Variants in PRKG1 observed in about 807,000 individuals in gnomAD.
The protein encoded by PRKG1 is protein kinase cGMP-dependent 1.
A neutral mutation model predicts 88.1 loss-of-function variants in PRKG1; 35 were observed. That is an observed-to-expected ratio of 0.40 (90% CI 0.30 to 0.53). The LOEUF is 0.53. Ranked by LOEUF, PRKG1 falls within the 20% of genes least tolerant of loss-of-function variation. The probability of loss-of-function intolerance (pLI) is 0.59; values close to 1 mark genes in which losing one functional copy is unlikely to be tolerated. For synonymous variants in PRKG1, 303 were observed against 292.5 expected (o/e 1.04, Z -0.37); for missense variants, 540 against 839.8 (o/e 0.64, Z 4.41).
chr10:51,596,200 T>C (rs1348600755), intron 3 of PRKG1, among the ~76,000 whole-genome samples: 2 of 152,212 alleles, frequency 1.3e-5, no homozygotes, highest in Non-Finnish European at 2.9e-5. Flanking sequence ...GAACTATGTA[T>C]CTTTTTGCTG....
At chr10:51,879,902 CA>C (rs1841394293) in intron 4 of PRKG1, among the ~76,000 whole-genome samples, 1 of 152,218 alleles carries the variant, frequency 6.6e-6, no homozygotes, top group Admixed American at 6.5e-5. Context: ...GCCACTATGG[CA>C]AGCAAGGAAA....
At chr10:51,104,264 G>A (rs1844762794) in intron 1 of PRKG1, among the ~76,000 whole-genome samples, 1 of 152,146 alleles carries the variant, frequency 6.6e-6, no homozygotes, top group Non-Finnish European at 1.5e-5. Context: ...TATTTCTAGG[G>A]TGCAGAATTT....
chr10:51,296,422 G>T (rs566959631), intron 2 of PRKG1, among the ~76,000 whole-genome samples: 10 of 152,012 alleles, frequency 6.6e-5, no homozygotes, highest in African/African-American at 2.4e-4. Flanking sequence ...TTGCATATTT[G>T]TAGAAATTTA....
At chr10:52,057,671 T>C (rs1846141872) in intron 6 of PRKG1, among the ~76,000 whole-genome samples, 1 of 152,160 alleles carries the variant, frequency 6.6e-6, no homozygotes, top group Non-Finnish European at 1.5e-5. Context: ...TGGAAAAAAA[T>C]GTGATTCAAA....
At chr10:51,862,204 A>C (rs1441499680) in intron 4 of PRKG1, among the ~76,000 whole-genome samples, 1 of 152,116 alleles carries the variant, frequency 6.6e-6, no homozygotes, top group Non-Finnish European at 1.5e-5. Flanking sequence ...GTTACAGCTC[A>C]TTTGTTCCCA....
chr10:51,104,885 A>G (rs937736433), intron 1 of PRKG1, among the ~76,000 whole-genome samples: 1 of 151,948 alleles, frequency 6.6e-6, no homozygotes, highest in Non-Finnish European at 1.5e-5. Flanking sequence ...GGGTGGCACC[A>G]TACCCAGATA....
At chr10:51,815,920 C>A (rs1330991115) in intron 4 of PRKG1, among the ~76,000 whole-genome samples, 1 of 152,108 alleles carries the variant, frequency 6.6e-6, no homozygotes, top group Admixed American at 6.6e-5. Context: ...CAACTAGGGG[C>A]TTTGTTGTGA....
chr10:51,312,356 A>G (rs990959509), intron 2 of PRKG1, among the ~76,000 whole-genome samples: 2 of 152,190 alleles, frequency 1.3e-5, no homozygotes, highest in Non-Finnish European at 1.5e-5. Context: ...TTATTTTACA[A>G]TAGTGTAGGA....
At chr10:51,677,894 T>C (rs985099456) in intron 3 of PRKG1, among the ~76,000 whole-genome samples, 3 of 152,184 alleles carry the variant, frequency 2.0e-5, no homozygotes, top group African/African-American at 7.2e-5. Context: ...ACATGGAAGA[T>C]CCCATATTTT....
intron 7 of PRKG1, among the ~76,000 whole-genome samples, chr10:52,116,791 T>G (rs548473646): frequency 6.6e-6 from 1 of 152,288 alleles, no homozygotes; most frequent in South Asian, 2.1e-4. Flanking sequence ...ATTTACTTTC[T>G]TATTCTTCCC....
chr10:51,035,610 A>T (rs1843342945), intron 1 of PRKG1, among the ~76,000 whole-genome samples: 1 of 152,188 alleles, frequency 6.6e-6, no homozygotes, highest in Non-Finnish European at 1.5e-5. Flanking sequence ...TAGCCTCAGC[A>T]CCTAGCGCAA....
chr10:51,004,946 A>G (rs374512234), intron 1 of PRKG1, among the ~76,000 whole-genome samples: 121 of 152,270 alleles, frequency 7.9e-4, no homozygotes, highest in Middle Eastern at 3.4e-3. Context: ...TCTCTCAGCT[A>G]CTTTTTTTTC....
chr10:51,676,714 A>G (rs1410268172), intron 3 of PRKG1, among the ~76,000 whole-genome samples: 1 of 152,154 alleles, frequency 6.6e-6, no homozygotes, highest in Non-Finnish European at 1.5e-5. Flanking sequence ...GTTGTTTTCC[A>G]TGGTCACAAA....
chr10:51,841,714 G>A (rs749206165), intron 4 of PRKG1, among the ~76,000 whole-genome samples: 10 of 151,402 alleles, frequency 6.6e-5, no homozygotes, highest in Admixed American at 2.0e-4. Context: ...ACAGAGTCTC[G>A]CTCTGTCACC....
At chr10:51,549,937 T>G (rs1837083643) in intron 3 of PRKG1, among the ~76,000 whole-genome samples, 1 of 152,082 alleles carries the variant, frequency 6.6e-6, no homozygotes, top group African/African-American at 2.4e-5. Context: ...TTGTTTTTGT[T>G]ATTGCTTTTG....
intron 5 of PRKG1, among the ~76,000 whole-genome samples, chr10:51,932,542 A>G (rs1325850494): frequency 6.6e-6 from 1 of 152,172 alleles, no homozygotes; most frequent in Non-Finnish European, 1.5e-5. Context: ...TGCCACGGCC[A>G]GGTTTTAATT....
chr10:51,785,687 C>T (rs1260081151), intron 3 of PRKG1, among the ~76,000 whole-genome samples: 1 of 152,106 alleles, frequency 6.6e-6, no homozygotes, highest in African/African-American at 2.4e-5. Flanking sequence ...AGGTGTACTT[C>T]AGCTGATGGC....
chr10:51,229,934 A>AAAAAAAAAAAAAAAAAAAAAAAAAAAAAG (rs1838793414), intron 2 of PRKG1, among the ~76,000 whole-genome samples: 1 of 141,110 alleles, frequency 7.1e-6, no homozygotes, highest in African/African-American at 2.6e-5. Context: ...CTCAAAAAAA[A>AAAAAAAAAAAAAAAAAAAAAAAAAAAAAG]AAAAAAAAAA....
At chr10:51,505,177 AT>A (rs1841158003) in intron 3 of PRKG1, among the ~76,000 whole-genome samples, 1 of 152,156 alleles carries the variant, frequency 6.6e-6, no homozygotes, top group Non-Finnish European at 1.5e-5. Context: ...AGTTTTTAGC[AT>A]GAAGGGTTGT....
Sources: gnomAD v4.1 joint callset for allele counts (sites outside exome capture counted in the v4.1 genomes callset) on GRCh38, gnomAD v4.1.1 for gene constraint, MANE v1.5 for transcripts, NCBI Gene and HGNC (gene_info 2026-07-23, HGNC 2026-07-21) for gene names.